The following FOXP1 variants were observed in gnomAD, a reference collection of about 807,000 sequenced individuals.
FOXP1 encodes forkhead box P1.
In FOXP1, 15 loss-of-function variants were observed where a neutral mutation model predicts 98.2. The observed-to-expected ratio is 0.15, with a 90% confidence interval of 0.10 to 0.24. The LOEUF (loss-of-function observed/expected upper bound fraction) is 0.24, where lower values mean the gene tolerates loss of function less well. FOXP1 is among the 10% of genes least tolerant of loss of function. The pLI is 1.00. For synonymous variants in FOXP1, 371 were observed against 314.5 expected (o/e 1.18, Z -1.90); for missense variants, 633 against 848.5 (o/e 0.75, Z 3.15).
Position 70,957,413 on chromosome 3 carries a change from T to C in FOXP1, c.*1834A>G, listed in dbSNP as rs1339648573. On this transcript the variant is annotated 3_prime_UTR_variant, in exon 21 of 21. Transcript: ENST00000649528. The stretch of plus-strand genomic sequence containing the variant: ...AATAGCCTATCGCTTGTCATTTGCC[T>C]CTAAATTCTTTTGCCTCCTTTGATC... 4.3e-6 allele frequency: 1 copy of C among 230,018 alleles called. No homozygotes were observed. Among genetic ancestry groups the C allele is most frequent in the Non-Finnish European group, 8.6e-6 (1 of 115,892 alleles). 14.2% of individuals were successfully genotyped at this position (230,018 alleles called of 1,614,324 possible).
chr3:71,319,206 G>C (rs1020317739), intron 4 of FOXP1, among the ~76,000 whole-genome samples: 26 of 152,116 alleles, frequency 1.7e-4, no homozygotes, highest in Admixed American at 9.2e-4. Flanking sequence ...AATGGCCTCA[G>C]AGCTTTTTGA....
upstream of FOXP1, chr3:71,583,804 C>G: frequency 1.0e-6 from 1 of 987,114 alleles, no homozygotes; most frequent in African/African-American, 1.8e-5. Flanking sequence ...CAGCCAGCGC[C>G]GGTGGCGGCG....
chr3:71,407,315 G>A lies in FOXP1; in HGVS notation c.-167-48071C>T, dbSNP rs185551832. Among the ~76,000 whole-genome samples the A allele has an allele frequency of 9.7e-4, 147 of 152,214 alleles. 1 individual carries two copies. The highest frequency in any genetic ancestry group is 2.1e-4 in the South Asian group (1 of 4,814). On this transcript the variant is annotated intron_variant, in intron 3 of 20. Coordinates refer to ENST00000649528, the MANE Select transcript of FOXP1 (RefSeq NM_001349338.3). The stretch of plus-strand genomic sequence containing the variant: ...TGTTTTTTGGAGGCTGGGGTGGGGG[G>A]TGGCGGGAACACACATTTTAAAAAT...
chr3:71,308,748 AAT>A (rs1491257147), intron 4 of FOXP1, among the ~76,000 whole-genome samples: 2 of 97,844 alleles, frequency 2.0e-5, no homozygotes, highest in African/African-American at 8.5e-5. Context: ...ATTCTACCAC[AAT>A]GTGTGTGTGT....
chr3:71,528,061 T>C (rs2043537883), intron 2 of FOXP1, among the ~76,000 whole-genome samples: 1 of 152,196 alleles, frequency 6.6e-6, no homozygotes, highest in African/African-American at 2.4e-5. Flanking sequence ...TGTGTATAGA[T>C]GGTTTATTGT....
chr3:71,247,469 T>C (rs755839629), intron 5 of FOXP1, among the ~76,000 whole-genome samples: 13 of 152,074 alleles, frequency 8.5e-5, no homozygotes, highest in Non-Finnish European at 1.8e-4. Flanking sequence ...TTCCAACCTC[T>C]GGGGGAAAGA....
chr3:71,558,502 T>C (rs1039000634), intron 2 of FOXP1, among the ~76,000 whole-genome samples: 15 of 151,708 alleles, frequency 9.9e-5, no homozygotes, highest in Non-Finnish European at 1.8e-4. Context: ...TTTTTGGATT[T>C]TTTTTTTTTT....
chr3:71,000,884 G>T, intron 13 of FOXP1, 88 bp downstream of exon 13: 1 of 780,224 alleles, frequency 1.3e-6, no homozygotes, highest in South Asian at 1.4e-5. Flanking sequence ...ATTCAATAAT[G>T]AGTACACAGG....
intron 3 of FOXP1, among the ~76,000 whole-genome samples, chr3:71,372,529 A>G (rs2079414289): frequency 6.6e-6 from 1 of 151,990 alleles, no homozygotes; most frequent in African/African-American, 2.4e-5. Context: ...CTCCTGGTGG[A>G]GCTGTCATAG....
chr3:71,264,905 CT>C (rs1446526276), intron 5 of FOXP1, among the ~76,000 whole-genome samples: 1 of 152,194 alleles, frequency 6.6e-6, no homozygotes, highest in African/African-American at 2.4e-5. Flanking sequence ...CCATTTCCCC[CT>C]ATCATACAGT....
At chr3:71,341,944 T>C (rs2077034892) in intron 4 of FOXP1, among the ~76,000 whole-genome samples, 1 of 152,232 alleles carries the variant, frequency 6.6e-6, no homozygotes, top group Non-Finnish European at 1.5e-5. Flanking sequence ...TTCTCAATGA[T>C]TTCCTAAGTG....
intron 3 of FOXP1, among the ~76,000 whole-genome samples, chr3:71,489,667 T>C (rs2090922860): frequency 6.6e-6 from 1 of 152,220 alleles, no homozygotes; most frequent in Admixed American, 6.5e-5. Context: ...GACTCCTTCC[T>C]GGTGAACGGT....
chr3:71,008,147 A>C (rs1479425112), intron 12 of FOXP1, among the ~76,000 whole-genome samples: 2 of 152,210 alleles, frequency 1.3e-5, no homozygotes, highest in Non-Finnish European at 2.9e-5. Flanking sequence ...CCCCAAGCAC[A>C]TAAGAGTACC....
At chr3:71,381,140 C>G (rs1399290680) in intron 3 of FOXP1, among the ~76,000 whole-genome samples, 2 of 149,536 alleles carry the variant, frequency 1.3e-5, no homozygotes, top group Admixed American at 1.3e-4. Context: ...AAACCTGAGA[C>G]ATGAGGTTCT....
chr3:71,319,488 T>A lies in FOXP1; in HGVS notation c.-72-19608A>T, dbSNP rs1469862363. On this transcript the variant is annotated intron_variant, in intron 4 of 20. Coordinates refer to ENST00000649528, the MANE Select transcript of FOXP1 (RefSeq NM_001349338.3). The stretch of plus-strand genomic sequence containing the variant: ...ATTTAAATTAAACTGAAAAGAAAGA[T>A]TCTGGTGTGACTTTATAATCTCTGT... 4.6e-5 allele frequency among the ~76,000 whole-genome samples: 7 copies of A among 152,176 alleles called. No individual in the cohort carries two copies. The East Asian group carries it at 1.3e-3, about 29-fold the overall frequency.
At chr3:71,371,069 C>T (rs2079279527) in intron 3 of FOXP1, among the ~76,000 whole-genome samples, 1 of 152,030 alleles carries the variant, frequency 6.6e-6, no homozygotes, top group Non-Finnish European at 1.5e-5. Flanking sequence ...AGGCGTGAAC[C>T]ACTGCGCCTG....
At chr3:71,340,104 T>G (rs1235266033) in intron 4 of FOXP1, among the ~76,000 whole-genome samples, 1 of 152,224 alleles carries the variant, frequency 6.6e-6, no homozygotes, top group Admixed American at 6.5e-5. Flanking sequence ...TGTACCTGTG[T>G]GTGTGCATGG....
intron 20 of FOXP1, 91 bp downstream of exon 20, chr3:70,965,799 A>G (rs2034636917): frequency 1.3e-5 from 16 of 1,267,326 alleles, no homozygotes; most frequent in Non-Finnish European, 1.7e-5. Context: ...CAGAAAAGGT[A>G]TATAAAGCCC....
chr3:71,558,891 C>T (rs938771190), intron 2 of FOXP1, among the ~76,000 whole-genome samples: 1 of 151,286 alleles, frequency 6.6e-6, no homozygotes, highest in African/African-American at 2.4e-5. Context: ...CAACCTCTGC[C>T]TCCCGGGTTC....
Sources: gnomAD v4.1 joint callset for allele counts (sites outside exome capture counted in the v4.1 genomes callset) on GRCh38, gnomAD v4.1.1 for gene constraint, MANE v1.5 for transcripts, NCBI Gene and HGNC (gene_info 2026-07-23, HGNC 2026-07-21) for gene names.